Variants in RPA1 observed in about 807,000 individuals in gnomAD.
RPA1 encodes the protein replication protein A1.
RPA1 carries 49 observed loss-of-function variants against 83.0 expected under a neutral mutation model. The ratio of observed to expected loss-of-function variants is 0.59; its 90% CI spans 0.47 to 0.75. The LOEUF (loss-of-function observed/expected upper bound fraction) is 0.75. RPA1 is among the 30% of genes least tolerant of loss of function. The probability of loss-of-function intolerance (pLI) is 0.00; values close to 1 mark genes in which losing one functional copy is unlikely to be tolerated. For synonymous variants in RPA1, 279 were observed against 281.8 expected, an observed-to-expected ratio of 0.99 and a Z score of 0.10; for missense variants, 693 against 776.1, an observed-to-expected ratio of 0.89 and a Z score of 1.27.
In RPA1 at chr17:1,884,464, C is replaced by T. The variant is rs1008184216; in HGVS notation, c.1374+520C>T. On this transcript the variant is annotated intron_variant, in intron 13 of 16. Transcript: ENST00000254719. The surrounding 1 kb of genome is among the most constrained non-coding windows in gnomAD (Gnocchi z 4.1). ...GGCCCTGACATTTGACTTTTAGTTG[C>T]AGCTTTTTCCTTTCAGTGTTTGTAT... Among the ~76,000 whole-genome samples, 1 of 152,180 alleles carries T rather than the reference C, an allele frequency of 6.6e-6. No homozygotes were observed. The highest frequency in any genetic ancestry group is 1.5e-5 in the Non-Finnish European group (1 of 68,036).
At chr17:1,854,807 A>G (rs1484694638) in intron 5 of RPA1, among the ~76,000 whole-genome samples, 7 of 152,228 alleles carry the variant, frequency 4.6e-5, no homozygotes, top group Admixed American at 4.6e-4. Context: ...ATTTTTTTAC[A>G]TATTAAGGAA....
chr17:1,854,289 G>A (rs971817897), intron 5 of RPA1: 3 of 152,148 alleles, frequency 2.0e-5, no homozygotes, highest in African/African-American at 7.2e-5. Flanking sequence ...AATTTGAGAT[G>A]TATTTTTTTC....
chr17:1,858,252 A>C (rs1181602407), intron 5 of RPA1: 3 of 1,613,360 alleles, frequency 1.9e-6, no homozygotes, highest in Non-Finnish European at 2.5e-6. Flanking sequence ...CAAGTTCCAA[A>C]TAAGACTCAA....
intron 15 of RPA1, among the ~76,000 whole-genome samples, chr17:1,894,247 G>A (rs987405594): frequency 8.6e-5 from 13 of 151,352 alleles, no homozygotes; most frequent in East Asian, 5.8e-4. Context: ...GCTCACTGTA[G>A]CCTCCGCCTC....
In RPA1 at chr17:1,879,420, A is replaced by G; in HGVS notation, c.952+13A>G. 1 of 1,613,462 alleles carries G rather than the reference A, an allele frequency of 6.2e-7. No individual in the cohort carries two copies. The highest frequency in any genetic ancestry group is 1.3e-5 in the African/African-American group (1 of 75,050). On this transcript the variant is annotated intron_variant, in intron 10 of 16. Coordinates refer to ENST00000254719, the MANE Select transcript of RPA1 (RefSeq NM_002945.5). ...GACTCACTTGTAGGTAAGCTCGTGTATGAGAAGGAAGAGCAGGGATGACTA... is the reference window on the plus strand; with the variant it reads ...GACTCACTTGTAGGTAAGCTCGTGTGTGAGAAGGAAGAGCAGGGATGACTA...
At chr17:1,860,804 C>T (rs1474800170) in intron 5 of RPA1, among the ~76,000 whole-genome samples, 3 of 152,262 alleles carry the variant, frequency 2.0e-5, no homozygotes, top group South Asian at 2.1e-4. Flanking sequence ...ATTCGTACCT[C>T]GTTGGGTGCT....
chr17:1,883,126 G>C (rs1913857142), intron 12 of RPA1, among the ~76,000 whole-genome samples: 1 of 152,166 alleles, frequency 6.6e-6, no homozygotes, highest in Admixed American at 6.5e-5. Flanking sequence ...TTTGAGATCA[G>C]CCTGGCCAAC....
rs549210339 is a variant in RPA1, at chr17:1,846,620, G to A, written c.272+1934G>A. On this transcript the variant is annotated intron_variant, in intron 4 of 16. Transcript: ENST00000254719. ...CAGGCGTGAGCCACCGTGGCCGGCCGTCCATATTCTTTTTTCTTCTGGTAT... is the reference window on the plus strand; with the variant it reads ...CAGGCGTGAGCCACCGTGGCCGGCCATCCATATTCTTTTTTCTTCTGGTAT... Among the ~76,000 whole-genome samples the A allele has an allele frequency of 2.8e-4, 42 of 152,094 alleles. No homozygotes were observed. The South Asian group carries it at 7.7e-3, about 28-fold the overall frequency.
chr17:1,874,032 T>TATACACACAC (rs1171343408), intron 6 of RPA1, among the ~76,000 whole-genome samples: 6 of 79,256 alleles, frequency 7.6e-5, no homozygotes, highest in African/African-American at 3.1e-4. Context: ...TATATATATA[T>TATACACACAC]ACACACACAC....
At chr17:1,886,406 C>T (rs1437446286) in intron 13 of RPA1, among the ~76,000 whole-genome samples, 4 of 152,312 alleles carry the variant, frequency 2.6e-5, no homozygotes, top group Admixed American at 6.5e-5. Flanking sequence ...CAGCTGCATT[C>T]GCGCCTAACA....
At chr17:1,862,194 A>ATTTTTTTTTTTTTTTTTTTTTTTT in intron 5 of RPA1, among the ~76,000 whole-genome samples, 1 of 93,182 alleles carries the variant, frequency 1.1e-5, no homozygotes, top group Non-Finnish European at 1.9e-5. Context: ...CCCCAACCGT[A>ATTTTTTTTTTTTTTTTTTTTTTTT]TTTTTTTTTT....
chr17:1,885,502 C>T (rs1234329797), intron 13 of RPA1, among the ~76,000 whole-genome samples: 2 of 152,024 alleles, frequency 1.3e-5, no homozygotes, highest in African/African-American at 2.4e-5. Flanking sequence ...GACAGGGTCT[C>T]ATTCTGTCAC....
At chr17:1,861,478 G>A (rs540000603) in intron 5 of RPA1, among the ~76,000 whole-genome samples, 7 of 152,256 alleles carry the variant, frequency 4.6e-5, no homozygotes, top group African/African-American at 1.7e-4. Flanking sequence ...TGTCCGGTAC[G>A]TAGTTTTAAA....
At chr17:1,869,301 T>G (rs779325371) in intron 5 of RPA1, among the ~76,000 whole-genome samples, 1 of 133,678 alleles carries the variant, frequency 7.5e-6, no homozygotes, top group Non-Finnish European at 1.8e-5. Context: ...CTTTGGGAGA[T>G]TGAGGTGGGC....
chr17:1,847,190 A>C (rs1220352029), intron 4 of RPA1, among the ~76,000 whole-genome samples: 2 of 152,066 alleles, frequency 1.3e-5, no homozygotes, highest in Non-Finnish European at 2.9e-5. Flanking sequence ...GTTCATGCTT[A>C]ATGTGGACAG....
chr17:1,879,690 G>C lies in RPA1; in HGVS notation c.1083G>C (p.Trp361Cys). Residue 361 changes from tryptophan to cysteine, a missense_variant, in exon 11 of 17, where the codon TGG becomes TGC. Coordinates refer to ENST00000254719, the MANE Select transcript of RPA1 (RefSeq NM_002945.5). ...GGAAGGTGGTGACTGCTACACTGTG[G>C]GGGGAAGATGTAAGTGCTGGGATGG... ...TSGKVVTATL[W>C]GEDADKFDGS... is the part of the protein sequence containing the mutation. The C allele has an allele frequency of 6.2e-7, 1 of 1,614,190 alleles. No homozygotes were observed. Among genetic ancestry groups the C allele is most frequent in the Non-Finnish European group, 8.5e-7 (1 of 1,180,030 alleles).
At chr17:1,862,194 A>ATTTTTTTTTTTTTTTTTTTTTTTTTTTTT (rs57509401) in intron 5 of RPA1, among the ~76,000 whole-genome samples, 1 of 93,182 alleles carries the variant, frequency 1.1e-5, no homozygotes, top group African/African-American at 5.2e-5. Context: ...CCCCAACCGT[A>ATTTTTTTTTTTTTTTTTTTTTTTTTTTTT]TTTTTTTTTT....
rs1259443030 is a variant in RPA1 at position 1,843,911 on chromosome 17, C to T, written c.85-9C>T. 8 of 1,612,636 alleles carry T rather than the reference C, an allele frequency of 5.0e-6. No homozygotes were observed. The Admixed American group carries it at 5.0e-5, about 10-fold the overall frequency. The stretch of plus-strand genomic sequence containing the variant: ...CAACCTGGCTAATGAATCAAGTTTT[C>T]TGTCCTAGAACATCCGTCCCATTAC... On this transcript the variant is annotated splice_polypyrimidine_tract_variant and intron_variant, in intron 2 of 16. Transcript: ENST00000254719.
At chr17:1,860,602 C>T (rs1453664746) in intron 5 of RPA1, among the ~76,000 whole-genome samples, 1 of 152,132 alleles carries the variant, frequency 6.6e-6, no homozygotes, top group Non-Finnish European at 1.5e-5. Context: ...AACTCATCTA[C>T]ATCTCTGCTT....
Sources: allele counts gnomAD v4.1 joint callset (sites outside exome capture counted in the v4.1 genomes callset), GRCh38; gene constraint gnomAD v4.1.1; non-coding constraint Gnocchi (gnomAD v3.1); transcripts MANE v1.5; gene names NCBI Gene and HGNC (gene_info 2026-07-23, HGNC 2026-07-21).